TNRC6C: variants seen among roughly 807,000 people sequenced by gnomAD.
TNRC6C encodes trinucleotide repeat-containing gene 6C protein.
In TNRC6C, 20 loss-of-function variants were observed where a neutral mutation model predicts 153.7. The observed-to-expected ratio is 0.13, with a 90% CI of 0.09 to 0.19. The LOEUF is 0.19. TNRC6C is among the 10% of genes least tolerant of loss of function. The probability of loss-of-function intolerance (pLI) is 1.00; values close to 1 mark genes in which losing one functional copy is unlikely to be tolerated. For missense variants in TNRC6C, 1,987 were observed against 2,172.0 expected, an observed-to-expected ratio of 0.91 and a Z score of 1.69; for synonymous variants, 811 against 841.4, an observed-to-expected ratio of 0.96 and a Z score of 0.63.
chr17:78,052,489 C>T (rs190760579), intron 3 of TNRC6C, among the ~76,000 whole-genome samples: 5 of 152,192 alleles, frequency 3.3e-5, no homozygotes, highest in East Asian at 1.9e-4. Flanking sequence ...AAACAACACA[C>T]GAATTAAAGT....
At chr17:77,959,838 C>A (rs1390262091) in intron 1 of TNRC6C, among the ~76,000 whole-genome samples, 2 of 152,160 alleles carry the variant, frequency 1.3e-5, no homozygotes, top group South Asian at 2.1e-4. Flanking sequence ...ATAACGTAAC[C>A]CGAGCGCCTG....
intron 1 of TNRC6C, among the ~76,000 whole-genome samples, chr17:77,973,911 AGATT>A (rs1376044690): frequency 1.3e-5 from 2 of 152,146 alleles, no homozygotes; most frequent in African/African-American, 2.4e-5. Context: ...CACTCTACCT[AGATT>A]GATCTGTAGA....
intron 4 of TNRC6C, chr17:78,066,912 G>A (rs373389276): frequency 5.3e-5 from 8 of 152,166 alleles, no homozygotes; most frequent in African/African-American, 1.9e-4. Flanking sequence ...ATGCTCATAG[G>A]TTTGGATCAA....
At chr17:77,957,804 G>C (rs1393285260), upstream of TNRC6C, among the ~76,000 whole-genome samples, 2 of 152,234 alleles carry the variant, frequency 1.3e-5, no homozygotes, top group African/African-American at 4.8e-5. Context: ...ATGAATAATG[G>C]ATATCGAGGA....
At chr17:77,999,973 G>T (rs929478294), upstream of TNRC6C, among the ~76,000 whole-genome samples, 1 of 152,186 alleles carries the variant, frequency 6.6e-6, no homozygotes, top group Non-Finnish European at 1.5e-5. Context: ...ATACTCCACA[G>T]GAAGGGATTA....
chr17:77,976,321 T>G (rs561103702), intron 1 of TNRC6C, among the ~76,000 whole-genome samples: 43 of 152,342 alleles, frequency 2.8e-4, no homozygotes, highest in Admixed American at 2.6e-4. Flanking sequence ...TGAGGGAGGT[T>G]GTTTTGCCCT....
chr17:78,023,359 C>A (rs1287630124), intron 1 of TNRC6C, among the ~76,000 whole-genome samples: 1 of 152,186 alleles, frequency 6.6e-6, no homozygotes, highest in Non-Finnish European at 1.5e-5. Flanking sequence ...TTTTTCATCA[C>A]AAAAATTTCT....
intron 1 of TNRC6C, among the ~76,000 whole-genome samples, chr17:77,982,396 G>C (rs2071091751): frequency 6.6e-6 from 1 of 151,988 alleles, no homozygotes; most frequent in African/African-American, 2.4e-5. Flanking sequence ...TAGAACTTGA[G>C]TTGATTAACT....
intron 1 of TNRC6C, among the ~76,000 whole-genome samples, chr17:77,981,765 A>T (rs1224179712): frequency 2.0e-5 from 3 of 152,206 alleles, no homozygotes; most frequent in African/African-American, 7.2e-5. Flanking sequence ...GAACACCGCT[A>T]TGCCCGTTAG....
chr17:77,997,175 G>C (rs2071341735), intron 1 of TNRC6C, among the ~76,000 whole-genome samples: 1 of 152,168 alleles, frequency 6.6e-6, no homozygotes, highest in Non-Finnish European at 1.5e-5. Context: ...ACTCCATACT[G>C]GGCTGCGGGG....
chr17:78,039,892 G>A (rs752436420), intron 2 of TNRC6C, among the ~76,000 whole-genome samples: 1 of 152,194 alleles, frequency 6.6e-6, no homozygotes, highest in Non-Finnish European at 1.5e-5. Flanking sequence ...CAAGAGTGGC[G>A]GAAATGTAGG....
chr17:78,082,940 T>C, intron 10 of TNRC6C, 107 bp from the exon 13 acceptor site: 1 of 1,327,458 alleles, frequency 7.5e-7, no homozygotes, highest in East Asian at 2.4e-5. Flanking sequence ...TCAGGGGGTC[T>C]CCCTACAAAT....
intron 6 of TNRC6C, 54 bp from the exon 9 acceptor site, chr17:78,072,983 C>T: frequency 1.5e-6 from 2 of 1,334,316 alleles, no homozygotes; most frequent in Non-Finnish European, 2.1e-6. Context: ...TTGTTTGTAA[C>T]CTTTCCTTTT....
chr17:78,011,621 A>G (rs1405368271), intron 1 of TNRC6C, among the ~76,000 whole-genome samples: 3 of 152,184 alleles, frequency 2.0e-5, no homozygotes, highest in South Asian at 2.1e-4. Context: ...GTTTTGAGCT[A>G]TTGAGTAAAG....
intron 3 of TNRC6C, among the ~76,000 whole-genome samples, chr17:78,057,381 C>A (rs562417775): frequency 6.6e-6 from 1 of 152,202 alleles, no homozygotes; most frequent in Non-Finnish European, 1.5e-5. Flanking sequence ...ACTTGTTAGA[C>A]CAAGCTATTA....
At chr17:78,072,753 T>A (rs2073020588) in intron 6 of TNRC6C, among the ~76,000 whole-genome samples, 2 of 152,308 alleles carry the variant, frequency 1.3e-5, no homozygotes, top group African/African-American at 2.4e-5. Flanking sequence ...TTTAAAAAAA[T>A]GAAAATGATT....
exon 14 of TNRC6C, chr17:78,091,557 A>G (rs1475750838): frequency 6.2e-7 from 1 of 1,601,668 alleles, no homozygotes; most frequent in Non-Finnish European, 8.5e-7. Flanking sequence ...AACTCCATGG[A>G]TAACTTGCCC....
Position 78,044,817 on chromosome 17 carries a change from AC to A in TNRC6C, c.-218-4025del, listed in dbSNP as rs547134689. On this transcript the variant is annotated intron_variant, in intron 2 of 19. Coordinates refer to ENST00000301624, the Ensembl canonical transcript of TNRC6C. ...AGGCCCTTTACAGAAATTGTTTGCC[AC>A]CCTGGTTGGTCTAAGTGACTTGAAA... Among the ~76,000 whole-genome samples the A allele has an allele frequency of 5.4e-3, 827 of 152,320 alleles. 3 individuals carry two copies. Among genetic ancestry groups the A allele is most frequent in the Non-Finnish European group, 9.1e-3 (621 of 68,032 alleles).
At chr17:77,976,503 A>G (rs942532750) in intron 1 of TNRC6C, among the ~76,000 whole-genome samples, 1 of 152,254 alleles carries the variant, frequency 6.6e-6, no homozygotes, top group Non-Finnish European at 1.5e-5. Flanking sequence ...AGAAATGCTT[A>G]TAAATTTGTC....
Sources: gnomAD v4.1 joint callset for allele counts (sites outside exome capture counted in the v4.1 genomes callset) on GRCh38, gnomAD v4.1.1 for gene constraint, MANE v1.5 for transcripts, NCBI Gene and HGNC (gene_info 2026-07-23, HGNC 2026-07-21) for gene names.